Variants in ALS2 observed in about 807,000 individuals in gnomAD.
ALS2 encodes the protein alsin.
In ALS2, 117 loss-of-function variants were observed where a neutral mutation model predicts 203.4. The ratio of observed to expected loss-of-function variants is 0.58; its 90% CI spans 0.50 to 0.67. ALS2 has a LOEUF of 0.67. ALS2 is among the 30% of genes least tolerant of loss of function. ALS2 has a pLI of 0.00. For synonymous variants in ALS2, 718 were observed against 725.9 expected, an observed-to-expected ratio of 0.99 and a Z score of 0.17; for missense variants, 1,715 against 1,989.4, an observed-to-expected ratio of 0.86 and a Z score of 2.62.
At chr2:201,707,738 C>T in intron 28 of ALS2, 131 bp downstream of exon 28, 1 of 1,273,186 alleles carries the variant, frequency 7.9e-7, no homozygotes, top group Non-Finnish European at 1.1e-6. Context: ...CCCAACCCTC[C>T]TGGCCCCAAC....
chr2:201,729,662 C>T (rs1559053691), intron 13 of ALS2, among the ~76,000 whole-genome samples: 3 of 152,052 alleles, frequency 2.0e-5, no homozygotes, highest in South Asian at 4.2e-4. Flanking sequence ...AGGCGGATCA[C>T]GAGGTCAGGA....
intron 12 of ALS2, among the ~76,000 whole-genome samples, chr2:201,736,430 C>T (rs879652725): frequency 4.6e-5 from 7 of 151,896 alleles, no homozygotes; most frequent in African/African-American, 1.2e-4. Flanking sequence ...AAAAACAAAA[C>T]GTACTAAGAC....
chr2:201,771,067 A>G (rs1236065444), intron 1 of ALS2, among the ~76,000 whole-genome samples: 2 of 123,104 alleles, frequency 1.6e-5, no homozygotes, highest in Non-Finnish European at 3.3e-5. Context: ...TTTTTTTGAG[A>G]CGGAGTTTTG....
chr2:201,730,793 T>C (rs560471376), intron 13 of ALS2, among the ~76,000 whole-genome samples: 5 of 152,298 alleles, frequency 3.3e-5, no homozygotes, highest in African/African-American at 7.2e-5. Flanking sequence ...TTAAGCGAAA[T>C]TGTATTTTAA....
At chr2:201,708,038 G>C (rs1364690786) in intron 27 of ALS2, 47 bp from the exon 28 acceptor site, 1 of 1,569,226 alleles carries the variant, frequency 6.4e-7, no homozygotes, top group East Asian at 2.3e-5. Flanking sequence ...CCTCTAGGGG[G>C]GTTGAAAAGC....
chr2:201,758,648 T>C (rs750151448), intron 4 of ALS2, among the ~76,000 whole-genome samples: 2 of 152,188 alleles, frequency 1.3e-5, no homozygotes, highest in Admixed American at 1.3e-4. Context: ...CTCATCAGCA[T>C]AGATCATATT....
At chr2:201,775,078 T>C (rs1694593748) in intron 1 of ALS2, among the ~76,000 whole-genome samples, 1 of 152,194 alleles carries the variant, frequency 6.6e-6, no homozygotes, top group African/African-American at 2.4e-5. Context: ...ACAGTAATAA[T>C]TGTAGTTATA....
intron 11 of ALS2, 114 bp downstream of exon 11, chr2:201,741,560 A>G (rs1048019118): frequency 2.4e-5 from 28 of 1,159,212 alleles, no homozygotes. Flanking sequence ...CTGCTTTGCA[A>G]TTTCTATTAC....
intron 27 of ALS2, among the ~76,000 whole-genome samples, chr2:201,708,637 C>T (rs933991899): frequency 2.0e-5 from 3 of 152,142 alleles, no homozygotes; most frequent in African/African-American, 7.2e-5. Context: ...TTAAAACTTG[C>T]TGAAAATTAA....
At chr2:201,740,989 T>C (rs1010531710) in intron 11 of ALS2, among the ~76,000 whole-genome samples, 1 of 152,108 alleles carries the variant, frequency 6.6e-6, no homozygotes, top group Non-Finnish European at 1.5e-5. Flanking sequence ...ATGGTTGAGG[T>C]GTGAATGAAT....
Position 201,761,121 on chromosome 2 carries a change from C to G in ALS2, c.873G>C (p.Glu291Asp). 6.2e-7 allele frequency: 1 copy of G among 1,614,208 alleles called. No homozygotes were observed. Among genetic ancestry groups the G allele is most frequent in the Non-Finnish European group, 8.5e-7 (1 of 1,180,042 alleles). Residue 291 changes from glutamate to aspartate, a missense_variant, in exon 4 of 34, where the codon GAG becomes GAC. Glu to Asp is a conservative substitution (Grantham distance 45). Around this residue, in one of 3 missense-constraint regions of ALS2, gnomAD observed 476 missense variants for 539.3 expected, o/e 0.88. Transcript: ENST00000264276. Reference sequence around the variant, plus strand: ...ACTGATCATTTGCTACAAGAGTGTTCTCAAATACTTCTTCCTGCCTGTCAA... The same window carrying G: ...ACTGATCATTTGCTACAAGAGTGTTGTCAAATACTTCTTCCTGCCTGTCAA... Reference protein sequence around the residue: ...ETLDRQEEVFENTLVANDQSV... With the variant: ...ETLDRQEEVFDNTLVANDQSV...
chr2:201,752,541 A>G (rs889859828), intron 7 of ALS2, among the ~76,000 whole-genome samples: 1 of 152,104 alleles, frequency 6.6e-6, no homozygotes, highest in African/African-American at 2.4e-5. Flanking sequence ...GAAATGTGCA[A>G]TCAAATCAAA....
intron 32 of ALS2, 115 bp downstream of exon 32, chr2:201,704,339 G>C: frequency 1.3e-6 from 2 of 1,493,030 alleles, no homozygotes; most frequent in Middle Eastern, 1.7e-4. Context: ...CAGTGGAATG[G>C]GTTAATCGAT....
chr2:201,706,364 T>G (rs1689713033), intron 29 of ALS2, among the ~76,000 whole-genome samples: 1 of 146,574 alleles, frequency 6.8e-6, no homozygotes, highest in Non-Finnish European at 1.5e-5. Flanking sequence ...CCTGCCTGCA[T>G]GACAGAGTGA....
chr2:201,724,397 AGACCAT>A lies in ALS2; in HGVS notation c.3404_3409del (p.His1135_Gly1136del). 6.2e-7 allele frequency: 1 copy of A among 1,613,938 alleles called. No homozygotes were observed. Among genetic ancestry groups the A allele is most frequent in the Non-Finnish European group, 8.5e-7 (1 of 1,179,820 alleles). On this transcript the variant is annotated inframe_deletion, in exon 21 of 34. Transcript: ENST00000264276. ...GGACGTCAATTTCCCACTTCGTAGA[AGACCAT>A]GACCATGACGCATATTATCTTGAAA...
At chr2:201,764,997 CT>C (rs572984053) in intron 3 of ALS2, among the ~76,000 whole-genome samples, 425 of 144,920 alleles carry the variant, frequency 2.9e-3, no homozygotes, top group Admixed American at 3.9e-3. Flanking sequence ...AGTCGAATAA[CT>C]TTTTTTTTTT....
At chr2:201,778,562 A>C (rs999292992) in intron 1 of ALS2, 2 of 152,200 alleles carry the variant, frequency 1.3e-5, no homozygotes, top group Admixed American at 6.5e-5. Flanking sequence ...ATGAAAAAGA[A>C]ACAAGCCAGA....
chr2:201,749,741 A>T lies in ALS2; in HGVS notation c.1786T>A (p.Phe596Ile). The T allele has an allele frequency of 1.2e-6, 2 of 1,614,156 alleles. No individual in the cohort carries two copies. Among genetic ancestry groups the T allele is most frequent in the Non-Finnish European group, 1.7e-6 (2 of 1,180,006 alleles). The change falls in exon 8 of 34, where the codon TTT becomes ATT. Residue 596 changes from phenylalanine (F) to isoleucine (I), a missense_variant. This residue lies in a region of ALS2 where 1,227 missense variants were observed against 1,413.5 expected (regional missense o/e 0.87). Transcript: ENST00000264276. ...GCAAGACGAGGAACTGTTGTTGGAA[A>T]ATCGGAATGCCCAAGTTGACCAAAG... ...NTFGQLGHSDFPTTVPRLAKI... is the reference protein window; with the variant it reads ...NTFGQLGHSDIPTTVPRLAKI...
Position 201,726,662 on chromosome 2 carries a change from A to G in ALS2, c.3182+2T>C. 6.2e-7 allele frequency: 1 copy of G among 1,613,648 alleles called. No individual in the cohort carries two copies. The highest frequency in any genetic ancestry group is 8.5e-7 in the Non-Finnish European group (1 of 1,179,912). On this transcript the variant is annotated splice_donor_variant, in intron 18 of 33. Coordinates refer to ENST00000264276, the MANE Select transcript of ALS2 (RefSeq NM_020919.4). LOFTEE classifies it high-confidence loss of function. ...CCAGGCATAAATCTTCAACATTTTC[A>G]CCTGCCATGAGGCTTCCCTGAAAGC... is the stretch of plus-strand genomic sequence containing the variant.
Sources: gnomAD v4.1 joint callset for allele counts (sites outside exome capture counted in the v4.1 genomes callset) on GRCh38, gnomAD v4.1.1 for gene constraint, gnomAD v4.1.1 regional missense constraint, MANE v1.5 for transcripts, NCBI Gene and HGNC (gene_info 2026-07-23, HGNC 2026-07-21) for gene names.